The following GALNT1 variants were observed in gnomAD, a reference collection of about 807,000 sequenced individuals.
The protein encoded by GALNT1 is polypeptide N-acetylgalactosaminyltransferase 1.
A neutral mutation model predicts 65.7 loss-of-function variants in GALNT1; 17 were observed. The ratio of observed to expected loss-of-function variants is 0.26; its 90% CI spans 0.18 to 0.39. The LOEUF (loss-of-function observed/expected upper bound fraction) is 0.39. Among genes scored for constraint, GALNT1 ranks in the 10% least tolerant of loss-of-function variants. GALNT1 has a pLI of 1.00. For missense variants in GALNT1, 460 were observed against 672.8 expected, an observed-to-expected ratio of 0.68 and a Z score of 3.50; for synonymous variants, 210 against 219.7, an observed-to-expected ratio of 0.96 and a Z score of 0.39.
At chr18:35,676,798 G>GCTA (rs2047717177) in intron 3 of GALNT1, among the ~76,000 whole-genome samples, 1 of 152,178 alleles carries the variant, frequency 6.6e-6, no homozygotes, top group East Asian at 1.9e-4. Context: ...TTCTCTGATA[G>GCTA]GCTGTTATCT....
At chr18:35,663,845 A>G in intron 3 of GALNT1, 43 bp downstream of exon 3, 2 of 1,572,680 alleles carry the variant, frequency 1.3e-6, no homozygotes, top group Non-Finnish European at 1.7e-6. Flanking sequence ...AATGAAAAGT[A>G]TATTCTGAAT....
Position 35,703,679 on chromosome 18 carries a change from G to A in GALNT1, c.1533+36G>A, listed in dbSNP as rs976413302. 4 of 1,601,886 alleles carry A rather than the reference G, an allele frequency of 2.5e-6. No individual in the cohort carries two copies. In the African/African-American group the frequency reaches 4.0e-5, roughly 16 times the overall value. On this transcript the variant is annotated intron_variant, in intron 11 of 11. Coordinates refer to ENST00000269195, the MANE Select transcript of GALNT1 (RefSeq NM_020474.4). ...CAGTTGCCTATAGTAATAAAATTAT[G>A]TGTGTCACTGGGTATATTTATATAC...
chr18:35,599,985 C>T (rs2046561149), intron 1 of GALNT1, among the ~76,000 whole-genome samples: 1 of 152,060 alleles, frequency 6.6e-6, no homozygotes, highest in African/African-American at 2.4e-5. Flanking sequence ...ATTCTTTTTG[C>T]CTGGGATTGC....
chr18:35,694,997 T>C (rs1327294592), intron 9 of GALNT1, among the ~76,000 whole-genome samples: 1 of 152,082 alleles, frequency 6.6e-6, no homozygotes, highest in Non-Finnish European at 1.5e-5. Flanking sequence ...AGTAGAATGG[T>C]GGTTACCAGG....
chr18:35,685,574 A>G (rs2047855437), intron 5 of GALNT1, among the ~76,000 whole-genome samples: 1 of 152,060 alleles, frequency 6.6e-6, no homozygotes, highest in Admixed American at 6.6e-5. Flanking sequence ...AGAAGATGTT[A>G]ATGCCCTCAA....
At chr18:35,699,220 T>G (rs541990071) in intron 9 of GALNT1, among the ~76,000 whole-genome samples, 19 of 152,312 alleles carry the variant, frequency 1.2e-4, no homozygotes, top group African/African-American at 4.6e-4. Flanking sequence ...TAGGGATGTA[T>G]CATATCAAAT....
intron 9 of GALNT1, 46 bp from the exon 10 acceptor site, chr18:35,702,847 CTAAT>C (rs761897174): frequency 6.3e-6 from 8 of 1,266,806 alleles, no homozygotes; most frequent in African/African-American, 6.0e-5. Context: ...ATCTGTCTGT[CTAAT>C]TAACTTCTCC....
chr18:35,681,431 C>T (rs2047784343), intron 4 of GALNT1, among the ~76,000 whole-genome samples: 1 of 151,812 alleles, frequency 6.6e-6, no homozygotes, highest in Admixed American at 6.6e-5. Flanking sequence ...AACAAAGATG[C>T]CAAGAAAATT....
Position 35,710,864 on chromosome 18 carries a change from T to C in GALNT1, c.*1094T>C, listed in dbSNP as rs2048341968. On this transcript the variant is annotated 3_prime_UTR_variant, in exon 12 of 12. Transcript: ENST00000269195. ...GGGTATTTGGAGATAATACATTTGA[T>C]GGTTTTTTGGAAAACCTTTTTCACT... The C allele has an allele frequency of 1.3e-5, 2 of 152,688 alleles. No individual in the cohort carries two copies. The highest frequency in any genetic ancestry group is 2.9e-5 in the Non-Finnish European group (2 of 68,038). The allele number at this position is 152,688 out of a possible 1,614,324, so 9.5% of individuals were successfully genotyped here.
intron 1 of GALNT1, among the ~76,000 whole-genome samples, chr18:35,601,981 A>G (rs1239966372): frequency 3.3e-5 from 5 of 152,146 alleles, no homozygotes; most frequent in Non-Finnish European, 7.4e-5. Context: ...TATACCTTCA[A>G]ATGTTTTGTT....
intron 1 of GALNT1, among the ~76,000 whole-genome samples, chr18:35,650,140 C>T (rs1301886312): frequency 6.6e-6 from 1 of 152,122 alleles, no homozygotes; most frequent in Non-Finnish European, 1.5e-5. Flanking sequence ...CCCTAAGTGT[C>T]CTCCGGTCTG....
chr18:35,590,261 G>C (rs1180149863), intron 1 of GALNT1, among the ~76,000 whole-genome samples: 2 of 152,144 alleles, frequency 1.3e-5, no homozygotes, highest in African/African-American at 4.8e-5. Context: ...TCAGTGTTTA[G>C]AATTCTTATA....
chr18:35,690,884 G>A (rs2047950272), intron 7 of GALNT1, 128 bp from the exon 8 acceptor site: 1 of 782,992 alleles, frequency 1.3e-6, no homozygotes, highest in African/African-American at 1.7e-5. Flanking sequence ...ACTACAATAT[G>A]TTCCATTTAA....
At chr18:35,662,230 C>T (rs748112137) in intron 2 of GALNT1, among the ~76,000 whole-genome samples, 2 of 152,160 alleles carry the variant, frequency 1.3e-5, no homozygotes, top group Admixed American at 1.3e-4. Context: ...TACCAACTCT[C>T]ATATTTAAGG....
intron 1 of GALNT1, among the ~76,000 whole-genome samples, chr18:35,615,997 A>G (rs147832627): frequency 2.0e-5 from 3 of 152,326 alleles, no homozygotes; most frequent in East Asian, 3.9e-4. Flanking sequence ...GCTGTAAACC[A>G]TATATAAATG....
At chr18:35,583,280 A>G (rs891402024) in intron 1 of GALNT1, among the ~76,000 whole-genome samples, 1 of 152,222 alleles carries the variant, frequency 6.6e-6, no homozygotes, top group Non-Finnish European at 1.5e-5. Context: ...CTGAATCAGT[A>G]TCTGCTTTAC....
chr18:35,681,770 A>T (rs567072323), intron 4 of GALNT1, among the ~76,000 whole-genome samples: 1 of 152,194 alleles, frequency 6.6e-6, no homozygotes, highest in East Asian at 1.9e-4. Context: ...TGTTCTCTCT[A>T]TAGAGTTCCC....
chr18:35,688,577 A>G (rs2047905356), intron 6 of GALNT1, among the ~76,000 whole-genome samples: 1 of 152,188 alleles, frequency 6.6e-6, no homozygotes, highest in Admixed American at 6.6e-5. Context: ...TGCAGAAAAT[A>G]TACCACACAG....
intron 1 of GALNT1, among the ~76,000 whole-genome samples, chr18:35,613,074 A>G (rs1029380994): frequency 2.6e-5 from 4 of 152,110 alleles, no homozygotes; most frequent in African/African-American, 9.7e-5. Flanking sequence ...CTGACTACTC[A>G]ATTTTTCTTT....
Sources: allele counts gnomAD v4.1 joint callset (sites outside exome capture counted in the v4.1 genomes callset), GRCh38; gene constraint gnomAD v4.1.1; transcripts MANE v1.5; gene names NCBI Gene and HGNC (gene_info 2026-07-23, HGNC 2026-07-21).